SEM1: variants seen among roughly 807,000 people sequenced by gnomAD.
SEM1 encodes the protein SEM1 26S proteasome subunit, also known as 26S proteasome complex subunit SEM1.
A neutral mutation model predicts 12.7 loss-of-function variants in SEM1; 3 were observed. That is an observed-to-expected ratio of 0.24 (90% CI 0.11 to 0.61). The LOEUF is 0.61. Among genes scored for constraint, SEM1 ranks in the 20% least tolerant of loss-of-function variants. SEM1 has a pLI of 0.88. For synonymous variants in SEM1, 30 were observed against 27.8 expected (o/e 1.08, Z -0.25); for missense variants, 59 against 81.3 (o/e 0.73, Z 1.06).
intron 2 of SEM1, among the ~76,000 whole-genome samples, chr7:96,591,813 G>GT (rs71127462): frequency 0.68 from 99,870 of 146,710 alleles, 34,064 homozygotes; most frequent in East Asian, 0.98. Flanking sequence ...AGGCAATGGA[G>GT]TTTTTTTTTT....
chr7:96,574,568 C>T (rs1047076753), intron 2 of SEM1, among the ~76,000 whole-genome samples: 5 of 152,146 alleles, frequency 3.3e-5, no homozygotes, highest in Non-Finnish European at 2.9e-5. Context: ...TAAAAGTGTT[C>T]CTATTTCTCC....
intron 2 of SEM1, among the ~76,000 whole-genome samples, chr7:96,513,378 C>T (rs1353510713): frequency 5.3e-5 from 8 of 151,904 alleles, no homozygotes; most frequent in Non-Finnish European, 1.2e-4. Flanking sequence ...TACAGCAGCC[C>T]CAGGAAACTC....
At chr7:96,534,743 A>G (rs1804739007) in intron 2 of SEM1, among the ~76,000 whole-genome samples, 2 of 152,208 alleles carry the variant, frequency 1.3e-5, no homozygotes, top group South Asian at 2.1e-4. Flanking sequence ...AGCAAATGTG[A>G]GAATCCACTT....
intron 2 of SEM1, among the ~76,000 whole-genome samples, chr7:96,674,648 C>A (rs1013183370): frequency 6.6e-6 from 1 of 152,028 alleles, no homozygotes; most frequent in Admixed American, 6.6e-5. Context: ...GCCTGGGCAA[C>A]AGAGCAAGAC....
exon 4 of SEM1, chr7:96,481,965 A>C (rs1802559582): frequency 6.6e-6 from 1 of 152,204 alleles, no homozygotes; most frequent in African/African-American, 2.4e-5. Context: ...AGGAATGTGA[A>C]CAAGAAGAGA....
At chr7:96,630,679 T>G (rs1364016024) in intron 2 of SEM1, among the ~76,000 whole-genome samples, 1 of 152,172 alleles carries the variant, frequency 6.6e-6, no homozygotes, top group Non-Finnish European at 1.5e-5. Flanking sequence ...TACTTTTCCA[T>G]CCTCTGTTCT....
chr7:96,641,671 C>A (rs1381071381), intron 2 of SEM1, among the ~76,000 whole-genome samples: 1 of 152,032 alleles, frequency 6.6e-6, no homozygotes, highest in Non-Finnish European at 1.5e-5. Flanking sequence ...ATGCCTCCTA[C>A]CCCACTTCCT....
downstream of SEM1, among the ~76,000 whole-genome samples, chr7:96,670,923 G>A (rs187512830): frequency 6.6e-6 from 1 of 152,060 alleles, no homozygotes; most frequent in Admixed American, 6.6e-5. Flanking sequence ...ATATAGGGAG[G>A]GAGAGAAATC....
At chr7:96,700,324 CCAGA>C (rs1790232292) in intron 1 of SEM1, among the ~76,000 whole-genome samples, 1 of 152,098 alleles carries the variant, frequency 6.6e-6, no homozygotes, top group Non-Finnish European at 1.5e-5. Flanking sequence ...GAGTACACAA[CCAGA>C]CAAAGGATTA....
chr7:96,704,009 A>G (rs1307821443), intron 1 of SEM1, among the ~76,000 whole-genome samples: 1 of 149,412 alleles, frequency 6.7e-6, no homozygotes, highest in East Asian at 2.0e-4. Context: ...ACACACACAC[A>G]CATACATAAA....
At chr7:96,676,878 A>G (rs1261780618) in intron 2 of SEM1, among the ~76,000 whole-genome samples, 1 of 152,212 alleles carries the variant, frequency 6.6e-6, no homozygotes, top group East Asian at 1.9e-4. Flanking sequence ...TTTCCTTTAC[A>G]GAGTTTCCTT....
intron 2 of SEM1, among the ~76,000 whole-genome samples, chr7:96,658,555 A>G (rs186160831): frequency 6.6e-6 from 1 of 152,244 alleles, no homozygotes; most frequent in Non-Finnish European, 1.5e-5. Flanking sequence ...AAATCTGTGC[A>G]TAGGAGCCAT....
chr7:96,663,799 GA>G (rs1049811287), intron 2 of SEM1, among the ~76,000 whole-genome samples: 4 of 151,928 alleles, frequency 2.6e-5, no homozygotes, highest in African/African-American at 2.4e-5. Context: ...AGAATTTCAA[GA>G]AAAAAATATA....
chr7:96,647,805 T>G (rs548959495), intron 2 of SEM1, among the ~76,000 whole-genome samples: 11 of 152,318 alleles, frequency 7.2e-5, no homozygotes. Context: ...AAATGTTTGA[T>G]CAGGAGAGCA....
At chr7:96,525,789 G>A (rs1804443213) in intron 2 of SEM1, among the ~76,000 whole-genome samples, 1 of 152,086 alleles carries the variant, frequency 6.6e-6, no homozygotes, top group African/African-American at 2.4e-5. Context: ...TCATAGGAAC[G>A]CCAACCCTAT....
intron 2 of SEM1, among the ~76,000 whole-genome samples, chr7:96,681,971 T>A (rs531964328): frequency 8.5e-5 from 13 of 152,206 alleles, no homozygotes; most frequent in Admixed American, 7.9e-4. Context: ...TAAATTACTT[T>A]GGGCAGTATG....
At chr7:96,632,668 A>G (rs963080733) in intron 2 of SEM1, among the ~76,000 whole-genome samples, 31 of 152,172 alleles carry the variant, frequency 2.0e-4, no homozygotes, top group African/African-American at 6.5e-4. Context: ...GAACCTGCAC[A>G]TTCTGCACAT....
chr7:96,487,518 G>C (rs1802823527), intron 1 of SEM1, among the ~76,000 whole-genome samples: 1 of 149,936 alleles, frequency 6.7e-6, no homozygotes, highest in African/African-American at 2.5e-5. Flanking sequence ...CCTCACTCTA[G>C]TGCCAACCCT....
chr7:96,667,491 T>C (rs1298611052), intron 2 of SEM1, among the ~76,000 whole-genome samples: 3 of 152,218 alleles, frequency 2.0e-5, no homozygotes, highest in Non-Finnish European at 4.4e-5. Flanking sequence ...AACTTGGAAC[T>C]TTCTGTGCAG....
Sources: allele counts gnomAD v4.1 joint callset (sites outside exome capture counted in the v4.1 genomes callset), GRCh38; gene constraint gnomAD v4.1.1; transcripts MANE v1.5; gene names NCBI Gene and HGNC (gene_info 2026-07-23, HGNC 2026-07-21).